Variants in ELF1 observed in about 807,000 individuals in gnomAD.
ELF1 encodes the protein E74 like ETS transcription factor 1.
Under a neutral mutation model 59.9 loss-of-function variants are expected in ELF1, and 24 were observed. The ratio of observed to expected loss-of-function variants is 0.40; its 90% CI spans 0.29 to 0.56. The LOEUF is 0.56. Ranked by LOEUF, ELF1 falls within the 20% of genes least tolerant of loss-of-function variation. ELF1 has a pLI of 0.44. For synonymous variants in ELF1, 248 were observed against 266.2 expected, an observed-to-expected ratio of 0.93 and a Z score of 0.67; for missense variants, 627 against 742.2, an observed-to-expected ratio of 0.84 and a Z score of 1.80.
At chr13:40,958,490 C>T (rs372465352) in intron 3 of ELF1, among the ~76,000 whole-genome samples, 32 of 151,622 alleles carry the variant, frequency 2.1e-4, no homozygotes, top group African/African-American at 7.0e-4. Flanking sequence ...GCCCAGGAGT[C>T]CAAGTCTAGG....
intron 1 of ELF1, among the ~76,000 whole-genome samples, chr13:40,984,665 C>T: frequency 6.6e-6 from 1 of 152,120 alleles, no homozygotes; most frequent in Non-Finnish European, 1.5e-5. Flanking sequence ...AAACTATTAT[C>T]ACAAGCTTGA....
At chr13:40,969,557 C>T (rs566125379) in intron 2 of ELF1, among the ~76,000 whole-genome samples, 3 of 152,134 alleles carry the variant, frequency 2.0e-5, no homozygotes, top group Admixed American at 6.5e-5. Context: ...AATAAGTGTT[C>T]ATTAATTATT....
intron 1 of ELF1, chr13:40,982,886 T>C (rs1873358426): frequency 7.1e-6 from 7 of 984,676 alleles, no homozygotes; most frequent in Non-Finnish European, 8.4e-6. Flanking sequence ...CAGTGGCTTC[T>C]TTTTTAATGC....
chr13:40,940,769 G>A (rs1293679071), intron 8 of ELF1, 152 bp downstream of exon 8: 7 of 790,452 alleles, frequency 8.9e-6, no homozygotes, highest in Non-Finnish European at 1.4e-5. Flanking sequence ...TGACATAATA[G>A]TAACTGCTCC....
chr13:40,967,984 T>C (rs1279326980), intron 2 of ELF1, among the ~76,000 whole-genome samples: 1 of 152,198 alleles, frequency 6.6e-6, no homozygotes, highest in Non-Finnish European at 1.5e-5. Flanking sequence ...TTTGTTTTAT[T>C]TTTAATGAGA....
At chr13:41,041,065 C>CA in intron 1 of ELF1, among the ~76,000 whole-genome samples, 1 of 152,100 alleles carries the variant, frequency 6.6e-6, no homozygotes, top group African/African-American at 2.4e-5. Context: ...AGCAGCCAGT[C>CA]ATGTAAAGAG....
At position 40,940,446 on chromosome 13, in the gene ELF1, TCTAAAAG is replaced by T. The variant is rs1403049893; in HGVS notation, c.1256+468_1256+474del. ...AACCTACTTTTTCAACTTCTGCCACTCTAAAAGAGGACCTTAGATTCTTGGCCTCCCT... is the reference window on the plus strand; with the variant it reads ...AACCTACTTTTTCAACTTCTGCCACTAGGACCTTAGATTCTTGGCCTCCCT... On this transcript the variant is annotated intron_variant, in intron 8 of 8. Transcript: ENST00000239882. Among the ~76,000 whole-genome samples the T allele has an allele frequency of 3.5e-5, 5 of 143,670 alleles. No individual in the cohort carries two copies. In the East Asian group the frequency reaches 1.2e-3, roughly 35 times the overall value. 94.3% of individuals were successfully genotyped at this position (143,670 alleles called of 152,430 possible). A position where few individuals can be genotyped will look rare whatever the true frequency, so the allele number is the denominator to read the frequency against.
chr13:41,043,797 T>C (rs1161646668), intron 1 of ELF1, among the ~76,000 whole-genome samples: 2 of 152,222 alleles, frequency 1.3e-5, no homozygotes, highest in African/African-American at 2.4e-5. Context: ...TCTTTTTTGG[T>C]ACCATATGAA....
chr13:40,976,108 A>T (rs1566177565), intron 2 of ELF1, among the ~76,000 whole-genome samples: 1 of 152,224 alleles, frequency 6.6e-6, no homozygotes, highest in Non-Finnish European at 1.5e-5. Context: ...TAAAATCTTG[A>T]AAGATTATTA....
chr13:41,022,795 C>A (rs1381624983), upstream of ELF1, among the ~76,000 whole-genome samples: 1 of 152,148 alleles, frequency 6.6e-6, no homozygotes, highest in Non-Finnish European at 1.5e-5. Context: ...AGGAGAATCG[C>A]TTGAACCTGG....
At chr13:40,934,736 G>C (rs1036502839) in intron 8 of ELF1, among the ~76,000 whole-genome samples, 2 of 152,056 alleles carry the variant, frequency 1.3e-5, no homozygotes, top group African/African-American at 4.8e-5. Flanking sequence ...TTTAATATTT[G>C]AGAGATAATG....
intron 5 of ELF1, among the ~76,000 whole-genome samples, chr13:40,945,848 A>AT (rs1163982461): frequency 6.6e-6 from 1 of 151,818 alleles, no homozygotes; most frequent in Non-Finnish European, 1.5e-5. Flanking sequence ...ATTTCATTTC[A>AT]TTTTTTTGTT....
chr13:41,053,348 C>T (rs538787236), intron 1 of ELF1, among the ~76,000 whole-genome samples: 4 of 150,282 alleles, frequency 2.7e-5, no homozygotes, highest in East Asian at 3.9e-4. Flanking sequence ...ACTGAGACTC[C>T]GTCTCAAAAA....
intron 1 of ELF1, among the ~76,000 whole-genome samples, chr13:41,016,428 AAGG>A (rs758584476): frequency 7.9e-5 from 12 of 152,190 alleles, no homozygotes; most frequent in Non-Finnish European, 1.8e-4. Context: ...TCTTATTTCA[AAGG>A]AGGAGGAGAA....
At chr13:41,036,333 A>G (rs1466040683) in intron 1 of ELF1, among the ~76,000 whole-genome samples, 1 of 152,208 alleles carries the variant, frequency 6.6e-6, no homozygotes. Context: ...CATATAGATG[A>G]ACAATTAATA....
rs537385558 is a variant in ELF1 at position 40,943,945 on chromosome 13, G to A, written c.530-20C>T. 17 of 1,608,240 alleles carry A rather than the reference G, an allele frequency of 1.1e-5. No individual in the cohort carries two copies. In the African/African-American group the frequency reaches 2.0e-4, roughly 19 times the overall value. On this transcript the variant is annotated intron_variant, in intron 5 of 8. Transcript: ENST00000239882. ...TTCTTCCTGAAATAAAAACAGCTCTGCATAAATATTTGCCTTCAAAAGTGA... is the reference window on the plus strand; with the variant it reads ...TTCTTCCTGAAATAAAAACAGCTCTACATAAATATTTGCCTTCAAAAGTGA...
At chr13:41,013,302 T>C (rs1875182046) in intron 1 of ELF1, among the ~76,000 whole-genome samples, 3 of 152,206 alleles carry the variant, frequency 2.0e-5, no homozygotes, top group Non-Finnish European at 2.9e-5. Context: ...TCTACATTTA[T>C]GTCCCGGGGA....
intron 1 of ELF1, among the ~76,000 whole-genome samples, chr13:41,018,063 CAAGCACTT>C (rs1875521080): frequency 6.6e-6 from 1 of 152,166 alleles, no homozygotes; most frequent in East Asian, 1.9e-4. Flanking sequence ...GACAGGCCTT[CAAGCACTT>C]AGTAAGTGCA....
intron 8 of ELF1, among the ~76,000 whole-genome samples, chr13:40,940,176 A>G (rs10467470): frequency 0.29 from 43,715 of 152,010 alleles, 8,113 homozygotes; most frequent in Middle Eastern, 0.43. Flanking sequence ...AGATTTTATT[A>G]TGGTTCATGT....
Sources: allele counts gnomAD v4.1 joint callset (sites outside exome capture counted in the v4.1 genomes callset), GRCh38; gene constraint gnomAD v4.1.1; transcripts MANE v1.5; gene names NCBI Gene and HGNC (gene_info 2026-07-23, HGNC 2026-07-21).